KCNU1: variants seen among roughly 807,000 people sequenced by gnomAD.
KCNU1 encodes potassium calcium-activated channel subfamily U member 1.
KCNU1 carries 93 observed loss-of-function variants against 126.8 expected under a neutral mutation model. The observed-to-expected ratio is 0.73, with a 90% CI of 0.62 to 0.87. The LOEUF (loss-of-function observed/expected upper bound fraction) is 0.87, where lower values mean the gene tolerates loss of function less well. Among genes scored for constraint, KCNU1 ranks in the 40% least tolerant of loss-of-function variants. The pLI, the probability that KCNU1 is intolerant of heterozygous loss-of-function variation, is 0.00. For synonymous variants in KCNU1, 523 were observed against 494.2 expected (o/e 1.06, Z -0.77); for missense variants, 1,330 against 1,367.1 (o/e 0.97, Z 0.43).
intron 19 of KCNU1, among the ~76,000 whole-genome samples, chr8:36,876,649 C>T (rs955995654): frequency 6.6e-6 from 1 of 152,198 alleles, no homozygotes; most frequent in East Asian, 1.9e-4. Context: ...AGTTCTCCTC[C>T]TCCTCCCACT....
At chr8:36,909,672 AT>A (rs1379577909) in intron 21 of KCNU1, 137 bp downstream of exon 21, 1 of 611,032 alleles carries the variant, frequency 1.6e-6, no homozygotes, top group African/African-American at 1.9e-5. Flanking sequence ...ACCTATATTA[AT>A]TCACTTAATC....
At chr8:36,855,647 C>T (rs1288187772) in intron 18 of KCNU1, among the ~76,000 whole-genome samples, 1 of 152,074 alleles carries the variant, frequency 6.6e-6, no homozygotes, top group Non-Finnish European at 1.5e-5. Flanking sequence ...GTTTTCAAGG[C>T]TCCTGTTGGT....
At chr8:36,918,589 A>AC (rs200935098) in intron 22 of KCNU1, among the ~76,000 whole-genome samples, 1,514 of 147,340 alleles carry the variant, frequency 0.01, 16 homozygotes, top group African/African-American at 0.035. Flanking sequence ...AAGAAGAAAG[A>AC]CCCCCCCACC....
chr8:36,801,110 C>T (rs1803286935), intron 2 of KCNU1, among the ~76,000 whole-genome samples: 1 of 152,100 alleles, frequency 6.6e-6, no homozygotes, highest in African/African-American at 2.4e-5. Context: ...ACAAGGGTTG[C>T]GCAATGAGTT....
intron 2 of KCNU1, among the ~76,000 whole-genome samples, chr8:36,798,172 G>A (rs1011217555): frequency 2.6e-5 from 4 of 151,970 alleles, no homozygotes; most frequent in East Asian, 1.9e-4. Flanking sequence ...ATTACCATCC[G>A]TGCTGGACTC....
intron 12 of KCNU1, among the ~76,000 whole-genome samples, chr8:36,835,971 T>C (rs1804733185): frequency 6.6e-6 from 1 of 152,228 alleles, no homozygotes; most frequent in South Asian, 2.1e-4. Flanking sequence ...ATTTCTATTT[T>C]TACCTGTAAT....
At chr8:36,882,592 T>A (rs1388781376) in intron 19 of KCNU1, among the ~76,000 whole-genome samples, 1 of 152,098 alleles carries the variant, frequency 6.6e-6, no homozygotes, top group East Asian at 1.9e-4. Flanking sequence ...TTTCACTATT[T>A]TTTTTTTTGA....
chr8:36,840,444 G>T lies in KCNU1; in HGVS notation c.1519-19G>T. On this transcript the variant is annotated intron_variant, in intron 14 of 26. Coordinates refer to ENST00000399881, the MANE Select transcript of KCNU1 (RefSeq NM_001031836.3). ...ATTCCTTGTCGTTTTGCTTCGTGTG[G>T]CATGATTATGTATTCCAGGTTATGC... 1 of 1,212,422 alleles carries T rather than the reference G, an allele frequency of 8.2e-7. No homozygotes were observed. The highest frequency in any genetic ancestry group is 1.2e-6 in the Non-Finnish European group (1 of 820,524). 75.1% of individuals were successfully genotyped at this position (1,212,422 alleles called of 1,614,324 possible).
intron 18 of KCNU1, among the ~76,000 whole-genome samples, chr8:36,853,865 C>T (rs553887552): frequency 1.3e-4 from 20 of 152,170 alleles, no homozygotes; most frequent in African/African-American, 4.6e-4. Flanking sequence ...GCTTGTATTT[C>T]AAACTCAAGG....
In KCNU1 at chr8:36,906,625, T is replaced by TTA. The variant is rs1807642714; in HGVS notation, c.2106+829_2106+830dup. On this transcript the variant is annotated intron_variant, in intron 20 of 26. Transcript: ENST00000399881. ...TTTTTCATATATGACTAATTGATAC[T>TTA]TATATATATTTTCTTGCTTTCCAAA... Among the ~76,000 whole-genome samples, 8 of 152,300 alleles carry TTA rather than the reference T, an allele frequency of 5.3e-5. No individual in the cohort carries two copies. In the South Asian group the frequency reaches 1.2e-3, roughly 24 times the overall value.
chr8:36,820,565 C>A (rs928390230), intron 10 of KCNU1, among the ~76,000 whole-genome samples: 5 of 149,222 alleles, frequency 3.4e-5, no homozygotes, highest in African/African-American at 9.9e-5. Context: ...AAAAGAAAGT[C>A]ATTTACTCTA....
At chr8:36,908,752 T>C (rs749661385) in intron 20 of KCNU1, among the ~76,000 whole-genome samples, 11 of 152,026 alleles carry the variant, frequency 7.2e-5, no homozygotes, top group Non-Finnish European at 1.5e-4. Context: ...TTCAGTATAT[T>C]CAATTGAACC....
At chr8:36,786,573 G>T (rs1041761447) in intron 1 of KCNU1, among the ~76,000 whole-genome samples, 2 of 152,252 alleles carry the variant, frequency 1.3e-5, no homozygotes, top group East Asian at 3.9e-4. Context: ...GGTAGTCCTA[G>T]TTGGTTTGTG....
intron 10 of KCNU1, among the ~76,000 whole-genome samples, chr8:36,826,870 T>C (rs959678553): frequency 6.6e-6 from 1 of 152,198 alleles, no homozygotes; most frequent in Non-Finnish European, 1.5e-5. Context: ...TTTATCAAAC[T>C]GTCCTGTTTT....
Position 36,787,412 on chromosome 8 carries a change from TG to T in KCNU1, c.306del (p.Gln103LysfsTer4). On this transcript the variant is annotated frameshift_variant, in exon 2 of 27. Transcript: ENST00000399881. LOFTEE classifies it high-confidence loss of function. ...IEMLLSAQTF[V>X]GQVLVILVFV... is the part of the protein sequence containing the mutation. The stretch of plus-strand genomic sequence containing the variant: ...ATGTTGCTTTCAGCCCAGACCTTTG[TG>T]GGGCAAGTGTTGGTAAGTACATTTT... The T allele has an allele frequency of 6.2e-7, 1 of 1,609,922 alleles. No homozygotes were observed. Among genetic ancestry groups the T allele is most frequent in the Non-Finnish European group, 8.5e-7 (1 of 1,177,810 alleles).
intron 19 of KCNU1, among the ~76,000 whole-genome samples, chr8:36,903,874 C>T (rs1251747374): frequency 6.6e-6 from 1 of 152,098 alleles, no homozygotes; most frequent in Non-Finnish European, 1.5e-5. Context: ...TTGGGGGAAG[C>T]CCCTTATAAA....
chr8:36,787,241 A>G, intron 1 of KCNU1, 65 bp from the exon 2 acceptor site: 1 of 1,456,436 alleles, frequency 6.9e-7, no homozygotes, highest in Non-Finnish European at 9.2e-7. Context: ...CCATCAACGT[A>G]AGTAGAACAG....
chr8:36,867,717 T>C (rs886766636), intron 19 of KCNU1, among the ~76,000 whole-genome samples: 1 of 152,214 alleles, frequency 6.6e-6, no homozygotes, highest in Non-Finnish European at 1.5e-5. Flanking sequence ...CTGGCTTTTC[T>C]TTCTATTCTT....
Position 36,931,156 on chromosome 8 carries a change from T to C in KCNU1, c.2931+11T>C, listed in dbSNP as rs769240847. ...TTATCAGACGTTAATGTGAGTCTAC[T>C]CTTCTCAGAATTCAGTTTTTCACTT... On this transcript the variant is annotated intron_variant, in intron 25 of 26. Transcript: ENST00000399881. 1 of 1,582,986 alleles carries C rather than the reference T, an allele frequency of 6.3e-7. No homozygotes were observed. The highest frequency in any genetic ancestry group is 1.2e-5 in the South Asian group (1 of 86,182).
Sources: gnomAD v4.1 joint callset for allele counts (sites outside exome capture counted in the v4.1 genomes callset) on GRCh38, gnomAD v4.1.1 for gene constraint, MANE v1.5 for transcripts, NCBI Gene and HGNC (gene_info 2026-07-23, HGNC 2026-07-21) for gene names.